The following LHFPL1 variants were observed in gnomAD, a reference collection of about 807,000 sequenced individuals.
The protein encoded by LHFPL1 is LHFPL tetraspan subfamily member 1 protein.
A neutral mutation model predicts 12.1 loss-of-function variants in LHFPL1; 4 were observed. The ratio of observed to expected loss-of-function variants is 0.33; its 90% CI spans 0.16 to 0.76. The LOEUF is 0.76. Among genes scored for constraint, LHFPL1 ranks in the 30% least tolerant of loss-of-function variants. The pLI is 0.61. For synonymous variants in LHFPL1, 52 were observed against 61.9 expected (o/e 0.84, Z 0.75); for missense variants, 141 against 174.1 (o/e 0.81, Z 1.07).
chrX:112,651,903 C>T (rs755462451), intron 3 of LHFPL1, among the ~76,000 whole-genome samples: 72 of 112,571 alleles, frequency 6.4e-4, no homozygotes, highest in African/African-American at 2.2e-3. Context: ...AATACAAAGT[C>T]CTTATATTCT....
intron 2 of LHFPL1, among the ~76,000 whole-genome samples, chrX:112,665,052 GA>G (rs1931290214): frequency 8.9e-6 from 1 of 111,938 alleles, no homozygotes; most frequent in African/African-American, 3.2e-5. Context: ...TGGTGGCAGA[GA>G]AAACTTGTTT....
intron 3 of LHFPL1, among the ~76,000 whole-genome samples, chrX:112,643,378 CAA>C (rs1164744066): frequency 1.0e-4 from 4 of 38,936 alleles, no homozygotes; most frequent in African/African-American, 8.8e-5. Flanking sequence ...GACTCCGTCT[CAA>C]AAAAAAAAAA....
intron 1 of LHFPL1, among the ~76,000 whole-genome samples, chrX:112,674,342 G>T (rs1180541770): frequency 9.0e-6 from 1 of 111,615 alleles, no homozygotes; most frequent in Non-Finnish European, 1.9e-5. Flanking sequence ...AAAGATTCTA[G>T]AAGATAACAT....
intron 3 of LHFPL1, among the ~76,000 whole-genome samples, chrX:112,658,357 G>A (rs1250231927): frequency 2.8e-5 from 3 of 107,703 alleles, no homozygotes; most frequent in African/African-American, 6.8e-5. Flanking sequence ...CCTGGGAGGC[G>A]GAGGTTGCAG....
chrX:112,642,582 A>C lies in LHFPL1; in HGVS notation c.482-10981T>G, dbSNP rs1385871881. Reference sequence around the variant, plus strand: ...ACAACTGGCTCACAATTCTGCATTCATTTTTCCAGTCATTGAGCCTACTAG... The same window carrying C: ...ACAACTGGCTCACAATTCTGCATTCCTTTTTCCAGTCATTGAGCCTACTAG... On this transcript the variant is annotated intron_variant, in intron 3 of 3. Coordinates refer to ENST00000371968, the MANE Select transcript of LHFPL1 (RefSeq NM_178175.4). Among the ~76,000 whole-genome samples, 4 of 107,267 alleles carry C rather than the reference A, an allele frequency of 3.7e-5. No individual in the cohort carries two copies. The East Asian group carries it at 1.2e-3, about 33-fold the overall frequency. 93.1% of individuals were successfully genotyped at this position (107,267 alleles called of 115,157 possible). A position where few individuals can be genotyped will look rare whatever the true frequency, so the allele number is the denominator to read the frequency against.
chrX:112,664,897 T>C (rs1401525671), intron 2 of LHFPL1, among the ~76,000 whole-genome samples: 1 of 111,897 alleles, frequency 8.9e-6, no homozygotes, highest in Non-Finnish European at 1.9e-5. Context: ...AAAATGTGGA[T>C]TCTTGGACCT....
intron 2 of LHFPL1, among the ~76,000 whole-genome samples, chrX:112,669,658 A>C (rs1161536684): frequency 1.8e-5 from 2 of 112,342 alleles, no homozygotes; most frequent in Non-Finnish European, 3.8e-5. Flanking sequence ...TCTCAAACTT[A>C]GAACTATTGA....
chrX:112,630,918 A>T lies in LHFPL1; in HGVS notation c.*502T>A, dbSNP rs1271923931. The T allele has an allele frequency of 1.8e-5, 2 of 111,902 alleles. No homozygotes were observed. Among genetic ancestry groups the T allele is most frequent in the Non-Finnish European group, 3.8e-5 (2 of 53,311 alleles). The allele number at this position is 111,902 out of a possible 1,213,427, so 9.2% of individuals were successfully genotyped here. A position where few individuals can be genotyped will look rare whatever the true frequency, so the allele number is the denominator to read the frequency against. ...GGAATCACCCTCCCCCGCTCCCCTG[A>T]AGCTTCCCCACAAGGTGCGGGGGGA... is the stretch of plus-strand genomic sequence containing the variant. On this transcript the variant is annotated 3_prime_UTR_variant, in exon 4 of 4. Coordinates refer to ENST00000371968, the MANE Select transcript of LHFPL1 (RefSeq NM_178175.4).
At chrX:112,644,374 C>T (rs1930623709) in intron 3 of LHFPL1, among the ~76,000 whole-genome samples, 2 of 111,243 alleles carry the variant, frequency 1.8e-5, no homozygotes, top group African/African-American at 3.3e-5. Flanking sequence ...ACATTTTTAA[C>T]ATATACAATA....
chrX:112,636,940 T>C (rs774102742), intron 3 of LHFPL1, among the ~76,000 whole-genome samples: 3 of 111,446 alleles, frequency 2.7e-5, no homozygotes, highest in Non-Finnish European at 5.7e-5. Context: ...ACCTAGAAAT[T>C]TTCTCTATAT....
intron 1 of LHFPL1, among the ~76,000 whole-genome samples, chrX:112,676,611 T>C (rs895660627): frequency 8.9e-6 from 1 of 112,265 alleles, no homozygotes; most frequent in African/African-American, 3.2e-5. Flanking sequence ...TGTTTGCTCA[T>C]CTTTAGAGAT....
At chrX:112,632,446 A>G (rs1448320060) in intron 3 of LHFPL1, among the ~76,000 whole-genome samples, 2 of 111,730 alleles carry the variant, frequency 1.8e-5, no homozygotes, top group Admixed American at 1.9e-4. Flanking sequence ...AAGAGCTATT[A>G]CTTTACAAGG....
intron 3 of LHFPL1, among the ~76,000 whole-genome samples, chrX:112,646,076 C>T (rs1027226531): frequency 1.8e-5 from 2 of 111,304 alleles, no homozygotes; most frequent in African/African-American, 6.5e-5. Flanking sequence ...TGCAGGTTCC[C>T]GGTTAATGTT....
At chrX:112,647,771 C>A (rs1425468907) in intron 3 of LHFPL1, among the ~76,000 whole-genome samples, 1 of 111,938 alleles carries the variant, frequency 8.9e-6, no homozygotes, top group Non-Finnish European at 1.9e-5. Context: ...TTTGGCAATT[C>A]CTCAAGAATC....
intron 1 of LHFPL1, among the ~76,000 whole-genome samples, chrX:112,672,598 G>A (rs1931540089): frequency 9.0e-6 from 1 of 111,661 alleles, no homozygotes; most frequent in Admixed American, 9.5e-5. Flanking sequence ...ATATGTGGTG[G>A]TGTAGAGGAC....
chrX:112,649,423 C>T (rs1451836259), intron 3 of LHFPL1, among the ~76,000 whole-genome samples: 1 of 112,105 alleles, frequency 8.9e-6, no homozygotes, highest in Non-Finnish European at 1.9e-5. Flanking sequence ...TCACTGAAGG[C>T]CATAAGCCTC....
At chrX:112,672,417 C>G (rs1426158117) in intron 1 of LHFPL1, among the ~76,000 whole-genome samples, 1 of 111,369 alleles carries the variant, frequency 9.0e-6, no homozygotes, top group Non-Finnish European at 1.9e-5. Flanking sequence ...AAAAATCAAC[C>G]ACTTTCCTCC....
intron 1 of LHFPL1, among the ~76,000 whole-genome samples, chrX:112,673,176 T>A (rs1265645125): frequency 9.0e-6 from 1 of 111,595 alleles, no homozygotes; most frequent in Non-Finnish European, 1.9e-5. Context: ...TCAACCACAA[T>A]TCCCCTATTG....
At chrX:112,661,365 G>C (rs551045458) in intron 2 of LHFPL1, among the ~76,000 whole-genome samples, 14 of 111,830 alleles carry the variant, frequency 1.3e-4, no homozygotes, top group African/African-American at 3.9e-4. Flanking sequence ...GTACCTTAGT[G>C]ATAATCTTAT....
Sources: allele counts gnomAD v4.1 joint callset (sites outside exome capture counted in the v4.1 genomes callset), GRCh38; gene constraint gnomAD v4.1.1; transcripts MANE v1.5; gene names NCBI Gene and HGNC (gene_info 2026-07-23, HGNC 2026-07-21).